Variants in PDE11A observed in about 807,000 individuals in gnomAD.
PDE11A encodes the protein phosphodiesterase 11A.
A neutral mutation model predicts 100.5 loss-of-function variants in PDE11A; 100 were observed. The ratio of observed to expected loss-of-function variants is 1.00; its 90% CI spans 0.85 to 1.18. The LOEUF (loss-of-function observed/expected upper bound fraction) is 1.18. PDE11A is among the 50% of genes most tolerant of loss of function. PDE11A has a pLI of 0.00. For missense variants in PDE11A, 1,141 were observed against 1,152.6 expected, an observed-to-expected ratio of 0.99 and a Z score of 0.15; for synonymous variants, 381 against 420.8, an observed-to-expected ratio of 0.91 and a Z score of 1.16.
chr2:177,861,119 G>C (rs562980204), intron 5 of PDE11A, among the ~76,000 whole-genome samples: 2 of 151,764 alleles, frequency 1.3e-5, no homozygotes, highest in South Asian at 2.1e-4. Flanking sequence ...AAATAAAAAG[G>C]CATTCAGACT....
At chr2:177,984,669 G>A (rs887224402) in intron 2 of PDE11A, among the ~76,000 whole-genome samples, 7 of 152,224 alleles carry the variant, frequency 4.6e-5, no homozygotes, top group African/African-American at 1.7e-4. Flanking sequence ...CAGATATTGT[G>A]ATAAGTACAG....
intron 2 of PDE11A, among the ~76,000 whole-genome samples, chr2:177,926,431 G>T (rs1049768284): frequency 6.6e-6 from 1 of 152,088 alleles, no homozygotes; most frequent in African/African-American, 2.4e-5. Flanking sequence ...TCAGCTTAAG[G>T]CACTGGTTCA....
chr2:177,842,292 G>T (rs2083504553), intron 5 of PDE11A, among the ~76,000 whole-genome samples: 1 of 152,192 alleles, frequency 6.6e-6, no homozygotes, highest in Admixed American at 6.5e-5. Flanking sequence ...CTCAAGGAAG[G>T]AGCCAGTTTT....
chr2:177,962,672 G>A (rs1321718424), intron 2 of PDE11A, among the ~76,000 whole-genome samples: 2 of 152,078 alleles, frequency 1.3e-5, no homozygotes, highest in African/African-American at 2.4e-5. Flanking sequence ...GGTCAGATAA[G>A]TTACACTGCA....
chr2:177,683,366 T>C (rs1384680366), intron 15 of PDE11A: 1 of 152,246 alleles, frequency 6.6e-6, no homozygotes, highest in Non-Finnish European at 1.5e-5. Flanking sequence ...GGTGGGCAGG[T>C]GTATACAGTT....
chr2:177,905,843 G>A (rs150382833), intron 2 of PDE11A, among the ~76,000 whole-genome samples: 1 of 152,200 alleles, frequency 6.6e-6, no homozygotes, highest in Non-Finnish European at 1.5e-5. Flanking sequence ...GAAGCCTGAT[G>A]AGGAAAGGCT....
intron 19 of PDE11A, among the ~76,000 whole-genome samples, chr2:177,642,023 C>T (rs2080152116): frequency 6.6e-6 from 1 of 152,090 alleles, no homozygotes; most frequent in Non-Finnish European, 1.5e-5. Context: ...GGGTTTGGTC[C>T]CAGGTCTCTG....
chr2:177,960,885 G>A (rs1317189860), intron 2 of PDE11A, among the ~76,000 whole-genome samples: 2 of 152,060 alleles, frequency 1.3e-5, no homozygotes, highest in Admixed American at 1.3e-4. Flanking sequence ...GTTGCCTCCC[G>A]ACTGGTTGGT....
intron 17 of PDE11A, among the ~76,000 whole-genome samples, chr2:177,671,277 AC>A (rs55714202): frequency 0.8 from 117,892 of 147,766 alleles, 47,475 homozygotes; most frequent in East Asian, 0.98. Flanking sequence ...TGCTCCTTTC[AC>A]AGCTTAACTT....
intron 10 of PDE11A, among the ~76,000 whole-genome samples, chr2:177,732,757 T>A (rs1051796275): frequency 6.6e-6 from 1 of 152,216 alleles, no homozygotes; most frequent in African/African-American, 2.4e-5. Flanking sequence ...ACCTTGTCTT[T>A]TTTTCCCCTA....
intron 19 of PDE11A, among the ~76,000 whole-genome samples, chr2:177,638,783 C>T (rs528883912): frequency 6.6e-6 from 1 of 152,286 alleles, no homozygotes; most frequent in East Asian, 1.9e-4. Flanking sequence ...AGAACTGCAT[C>T]CAATGCCTCA....
rs78726566 is a variant in PDE11A at position 177,632,811 on chromosome 2, T to A, written c.2647-3249A>T. Among the ~76,000 whole-genome samples the A allele has an allele frequency of 2.7e-3, 415 of 152,308 alleles. 4 individuals carry two copies. Among genetic ancestry groups the A allele is most frequent in the African/African-American group, 9.5e-3 (397 of 41,576 alleles). On this transcript the variant is annotated intron_variant, in intron 19 of 19. Coordinates refer to ENST00000286063, the MANE Select transcript of PDE11A (RefSeq NM_016953.4). The stretch of plus-strand genomic sequence containing the variant: ...GTCATAGGGGAAGTGACTTACCCAC[T>A]GACTTACTCTTACATACTCCTTTTC...
chr2:177,788,943 C>T (rs1191638152), intron 9 of PDE11A, among the ~76,000 whole-genome samples: 2 of 152,036 alleles, frequency 1.3e-5, no homozygotes, highest in Admixed American at 6.6e-5. Context: ...GATTCACAGC[C>T]GAATTCTACC....
At chr2:177,708,830 G>A (rs1338938604) in intron 13 of PDE11A, among the ~76,000 whole-genome samples, 5 of 152,174 alleles carry the variant, frequency 3.3e-5, no homozygotes, top group Non-Finnish European at 7.3e-5. Context: ...TGCCAAATAA[G>A]AAGGGAAGAC....
At chr2:177,701,032 T>C in intron 14 of PDE11A, 89 bp downstream of exon 14, 3 of 795,806 alleles carry the variant, frequency 3.8e-6, no homozygotes, top group East Asian at 4.9e-5. Flanking sequence ...GCTTTGTGTC[T>C]ACCTGTGGCA....
chr2:177,844,517 CTT>C lies in PDE11A; in HGVS notation c.1368-4136_1368-4135del, dbSNP rs745363380. 9.9e-4 allele frequency among the ~76,000 whole-genome samples: 143 copies of C among 143,908 alleles called. 1 individual carries two copies. The highest frequency in any genetic ancestry group is 3.5e-3 in the African/African-American group (136 of 39,410). 94.4% of individuals were successfully genotyped at this position (143,908 alleles called of 152,430 possible). ...ACGCACCAGCTCAATTTTGGAATTC[CTT>C]TTTTTTTTTTAATTAATTAATTAAT... On this transcript the variant is annotated intron_variant, in intron 5 of 19. Transcript: ENST00000286063.
intron 2 of PDE11A, chr2:178,092,996 G>A (rs2087443664): frequency 6.6e-6 from 1 of 152,202 alleles, no homozygotes; most frequent in East Asian, 1.9e-4. Context: ...TTAAGTTTGT[G>A]TAGTTACATT....
intron 2 of PDE11A, among the ~76,000 whole-genome samples, chr2:178,101,500 T>C (rs533248218): frequency 1.3e-5 from 2 of 152,314 alleles, no homozygotes; most frequent in South Asian, 4.1e-4. Context: ...TCACTGGCCA[T>C]GTGACTGAAC....
At chr2:177,972,972 G>A (rs1030667389) in intron 2 of PDE11A, among the ~76,000 whole-genome samples, 2 of 152,212 alleles carry the variant, frequency 1.3e-5, no homozygotes, top group Non-Finnish European at 2.9e-5. Flanking sequence ...TAGGGCCAGA[G>A]TGGATAAGGC....
Sources: allele counts gnomAD v4.1 joint callset (sites outside exome capture counted in the v4.1 genomes callset), GRCh38; gene constraint gnomAD v4.1.1; transcripts MANE v1.5; gene names NCBI Gene and HGNC (gene_info 2026-07-23, HGNC 2026-07-21).